RAPGEF4: variants seen among roughly 807,000 people sequenced by gnomAD.
The protein encoded by RAPGEF4 is RAP guanine-nucleotide-exchange factor (GEF) 4.
In RAPGEF4, 66 loss-of-function variants were observed where a neutral mutation model predicts 147.9. The observed-to-expected ratio is 0.45, with a 90% CI of 0.37 to 0.55. RAPGEF4 has a LOEUF of 0.55. Ranked by LOEUF, RAPGEF4 falls within the 20% of genes least tolerant of loss-of-function variation. RAPGEF4 has a pLI of 0.00. For synonymous variants in RAPGEF4, 419 were observed against 442.7 expected (o/e 0.95, Z 0.67); for missense variants, 1,071 against 1,257.3 (o/e 0.85, Z 2.24).
At chr2:172,838,214 T>C (rs1691177606) in intron 4 of RAPGEF4, among the ~76,000 whole-genome samples, 2 of 152,082 alleles carry the variant, frequency 1.3e-5, no homozygotes, top group South Asian at 4.1e-4. Context: ...TCCTAAAAAA[T>C]GAAACATGTT....
chr2:172,877,435 G>A (rs1054196720), intron 4 of RAPGEF4, among the ~76,000 whole-genome samples: 2 of 151,692 alleles, frequency 1.3e-5, no homozygotes, highest in Admixed American at 6.6e-5. Flanking sequence ...GTTGATGGGT[G>A]CAGCAAACCA....
chr2:172,946,364 T>C (rs574772706), intron 6 of RAPGEF4, among the ~76,000 whole-genome samples: 69 of 152,346 alleles, frequency 4.5e-4, no homozygotes, highest in African/African-American at 1.3e-3. Context: ...GCATGCATTA[T>C]ATGTAATGGA....
intron 22 of RAPGEF4, 89 bp from the exon 23 acceptor site, chr2:173,020,529 C>G (rs1012549997): frequency 1.9e-6 from 2 of 1,045,724 alleles, no homozygotes; most frequent in African/African-American, 1.6e-5. Flanking sequence ...CGGTAATTCA[C>G]CAAGCTGGCA....
chr2:172,985,522 C>A (rs745863757), intron 12 of RAPGEF4, 29 bp downstream of exon 12: 10 of 1,606,342 alleles, frequency 6.2e-6, no homozygotes, highest in African/African-American at 2.7e-5. Context: ...TGGAACCTTG[C>A]GCCTGGCCAG....
intron 4 of RAPGEF4, among the ~76,000 whole-genome samples, chr2:172,852,039 G>T (rs1182897994): frequency 1.3e-5 from 2 of 152,158 alleles, no homozygotes; most frequent in East Asian, 3.8e-4. Flanking sequence ...TGGATATTTT[G>T]CCATGAATAT....
At chr2:173,010,185 C>G (rs368072152) in intron 17 of RAPGEF4, among the ~76,000 whole-genome samples, 11 of 152,296 alleles carry the variant, frequency 7.2e-5, no homozygotes, top group African/African-American at 2.6e-4. Flanking sequence ...CATGACTTAC[C>G]TGAAATCAAC....
Position 173,039,214 on chromosome 2 carries a change from T to C in RAPGEF4, c.2853+2522T>C, listed in dbSNP as rs188782849. Reference sequence around the variant, plus strand: ...GGCTCACGCCTGTAATCCCAGCACTTTGGGAGGCCGAGGCGGGTGGATCAC... The same window carrying C: ...GGCTCACGCCTGTAATCCCAGCACTCTGGGAGGCCGAGGCGGGTGGATCAC... On this transcript the variant is annotated intron_variant, in intron 29 of 30. Transcript: ENST00000397081. Among the ~76,000 whole-genome samples the C allele has an allele frequency of 6.9e-3, 1,042 of 151,842 alleles. 21 individuals carry two copies. The highest frequency in any genetic ancestry group is 0.024 in the African/African-American group (995 of 41,388).
intron 1 of RAPGEF4, among the ~76,000 whole-genome samples, chr2:172,747,626 T>A (rs1191184163): frequency 6.6e-6 from 1 of 152,138 alleles, no homozygotes; most frequent in Non-Finnish European, 1.5e-5. Context: ...CCACCATGCC[T>A]GGAAAATTTT....
intron 1 of RAPGEF4, among the ~76,000 whole-genome samples, chr2:172,790,929 A>G (rs1685755466): frequency 6.6e-6 from 1 of 152,238 alleles, no homozygotes; most frequent in Non-Finnish European, 1.5e-5. Flanking sequence ...CAAAAAGAAC[A>G]GAAATTTATT....
chr2:172,842,146 T>A (rs1329180829), intron 4 of RAPGEF4, among the ~76,000 whole-genome samples: 1 of 152,164 alleles, frequency 6.6e-6, no homozygotes, highest in Non-Finnish European at 1.5e-5. Context: ...CACAGCATGG[T>A]CTTTTCTCTC....
At chr2:172,900,970 T>C (rs1029679413) in intron 4 of RAPGEF4, among the ~76,000 whole-genome samples, 2 of 152,222 alleles carry the variant, frequency 1.3e-5, no homozygotes, top group Admixed American at 6.5e-5. Flanking sequence ...TATTTTTTTT[T>C]CAAATATATT....
At chr2:172,789,804 G>T (rs1295131113) in intron 1 of RAPGEF4, among the ~76,000 whole-genome samples, 2 of 145,802 alleles carry the variant, frequency 1.4e-5, no homozygotes, top group African/African-American at 5.1e-5. Flanking sequence ...TCATTTTCAG[G>T]GGGTAAATAA....
At chr2:172,877,195 T>A (rs1407228749) in intron 4 of RAPGEF4, among the ~76,000 whole-genome samples, 2 of 152,144 alleles carry the variant, frequency 1.3e-5, no homozygotes, top group African/African-American at 2.4e-5. Context: ...TAAAAAAGGA[T>A]GAGTTCATGT....
Position 172,768,133 on chromosome 2 carries a change from A to T in RAPGEF4, c.66-26892A>T, listed in dbSNP as rs188134288. Among the ~76,000 whole-genome samples the T allele has an allele frequency of 1.1e-4, 17 of 152,216 alleles. No individual in the cohort carries two copies. The East Asian group carries it at 2.3e-3, about 21-fold the overall frequency. ...GGCCTGATTCATGTTTTGATGCGTG[A>T]CTTTTTATTGACTGGGACAAAATGT... is the stretch of plus-strand genomic sequence containing the variant. On this transcript the variant is annotated intron_variant, in intron 1 of 30. Transcript: ENST00000397081.
Position 172,802,634 on chromosome 2 carries a change from C to T in RAPGEF4, c.297+5021C>T, listed in dbSNP as rs541807897. Among the ~76,000 whole-genome samples, 9 of 152,350 alleles carry T rather than the reference C, an allele frequency of 5.9e-5. No homozygotes were observed. In the East Asian group the frequency reaches 1.7e-3, roughly 29 times the overall value. ...TGGCCACTACCAAATCTCATGTCCT[C>T]ACATTTCAAAACCAATCATGCCTTC... On this transcript the variant is annotated intron_variant, in intron 3 of 30. Transcript: ENST00000397081.
intron 10 of RAPGEF4, among the ~76,000 whole-genome samples, chr2:172,976,187 T>G (rs1691045697): frequency 6.6e-6 from 1 of 152,166 alleles, no homozygotes; most frequent in South Asian, 2.1e-4. Flanking sequence ...AACGTCCTTT[T>G]TGGGGTTAAA....
chr2:172,873,642 A>C (rs1695506654), intron 4 of RAPGEF4, among the ~76,000 whole-genome samples: 1 of 152,010 alleles, frequency 6.6e-6, no homozygotes, highest in Non-Finnish European at 1.5e-5. Context: ...GCATGGACAA[A>C]AACTTCATGA....
At position 172,992,896 on chromosome 2, in the gene RAPGEF4, C is replaced by A. The variant is rs575078531; in HGVS notation, c.1490+1971C>A. Among the ~76,000 whole-genome samples, 41 of 152,040 alleles carry A rather than the reference C, an allele frequency of 2.7e-4. No homozygotes were observed. The South Asian group carries it at 8.1e-3, about 30-fold the overall frequency. On this transcript the variant is annotated intron_variant, in intron 15 of 30. Transcript: ENST00000397081. ...GGTCATTTTCCATGTTGAGCTTTCC[C>A]AAATGAGACCAGAGTTGAAGGGGAG...
intron 22 of RAPGEF4, among the ~76,000 whole-genome samples, chr2:173,019,780 G>A (rs1695878046): frequency 1.3e-5 from 2 of 152,184 alleles, no homozygotes; most frequent in African/African-American, 4.8e-5. Context: ...CTTTCTTTCA[G>A]TCTTTACCCA....
Sources: gnomAD v4.1 joint callset for allele counts (sites outside exome capture counted in the v4.1 genomes callset) on GRCh38, gnomAD v4.1.1 for gene constraint, MANE v1.5 for transcripts, NCBI Gene and HGNC (gene_info 2026-07-23, HGNC 2026-07-21) for gene names.